The following TRMT44 variants were observed in gnomAD, a reference collection of about 807,000 sequenced individuals.
TRMT44 encodes the protein probable tRNA (uracil-O(2)-)-methyltransferase.
Under a neutral mutation model 77.3 loss-of-function variants are expected in TRMT44, and 78 were observed. The ratio of observed to expected loss-of-function variants is 1.01; its 90% CI spans 0.84 to 1.22. The LOEUF is 1.22. TRMT44 is among the 50% of genes most tolerant of loss of function. The pLI is 0.00. For synonymous variants in TRMT44, 391 were observed against 383.3 expected, an observed-to-expected ratio of 1.02 and a Z score of -0.23; for missense variants, 1,090 against 964.4, an observed-to-expected ratio of 1.13 and a Z score of -1.73.
chr4:8,483,124 G>C (rs1727680303), intron 2 of TRMT44, among the ~76,000 whole-genome samples: 1 of 152,120 alleles, frequency 6.6e-6, no homozygotes, highest in Admixed American at 6.5e-5. Flanking sequence ...AAACTAAATG[G>C]AATAAGAGAA....
At position 8,444,607 on chromosome 4, in the gene TRMT44, A is replaced by C. The variant is rs1024120924; in HGVS notation, c.620-1869A>C. Among the ~76,000 whole-genome samples the C allele has an allele frequency of 4.6e-5, 7 of 152,356 alleles. No individual in the cohort carries two copies. The highest frequency in any genetic ancestry group is 1.7e-4 in the African/African-American group (7 of 41,588). On this transcript the variant is annotated intron_variant, in intron 1 of 10. Coordinates refer to ENST00000389737, the MANE Select transcript of TRMT44 (RefSeq NM_152544.3). The surrounding 1 kb of genome is among the most constrained non-coding windows in gnomAD (Gnocchi z 4.0). Reference sequence around the variant, plus strand: ...GAGATGGGGTTTCACCATGTTGGCCAGACTGGTCTCCTACTCCTGACCTCA... The same window carrying C: ...GAGATGGGGTTTCACCATGTTGGCCCGACTGGTCTCCTACTCCTGACCTCA...
chr4:8,460,254 C>T (rs1409660865), intron 6 of TRMT44, among the ~76,000 whole-genome samples: 1 of 152,162 alleles, frequency 6.6e-6, no homozygotes, highest in African/African-American at 2.4e-5. Flanking sequence ...AGTGGCCTCT[C>T]CCTCTGGGTG....
intron 2 of TRMT44, among the ~76,000 whole-genome samples, chr4:8,482,756 G>C (rs1727663601): frequency 6.6e-6 from 1 of 151,894 alleles, no homozygotes; most frequent in Non-Finnish European, 1.5e-5. Flanking sequence ...TCACTTTTGT[G>C]ATTCTTCAGT....
intron 2 of TRMT44, among the ~76,000 whole-genome samples, chr4:8,491,925 T>C (rs377110719): frequency 1.6e-4 from 24 of 152,244 alleles, no homozygotes; most frequent in African/African-American, 4.6e-4. Context: ...GAGGAGGCAC[T>C]GAGAGCGAGC....
At chr4:8,485,320 G>T (rs1340307114) in intron 2 of TRMT44, among the ~76,000 whole-genome samples, 4 of 152,178 alleles carry the variant, frequency 2.6e-5, no homozygotes, top group Admixed American at 2.0e-4. Context: ...AGAATGTACG[G>T]GTTGGGCACC....
chr4:8,504,932 C>A, the TRMT44 span, among the ~76,000 whole-genome samples: 139 of 152,304 alleles, frequency 9.1e-4, no homozygotes, highest in African/African-American at 3.2e-3. The surrounding 1 kb of genome is among the most constrained non-coding windows in gnomAD (Gnocchi z 5.3). Context: ...CCCCCAGCCT[C>A]CTGGTCTGGG....
At chr4:8,470,634 C>T (rs997476051) in intron 9 of TRMT44, among the ~76,000 whole-genome samples, 1 of 152,148 alleles carries the variant, frequency 6.6e-6, no homozygotes, top group Non-Finnish European at 1.5e-5. Flanking sequence ...TGCTGGCCAC[C>T]CTAGAGCCGG....
chr4:8,499,876 A>AG, the TRMT44 span, among the ~76,000 whole-genome samples: 1 of 145,506 alleles, frequency 6.9e-6, no homozygotes, highest in African/African-American at 2.7e-5. Context: ...TCAGGAGTTT[A>AG]CTATATAACA....
chr4:8,501,245 A>T, the TRMT44 span, among the ~76,000 whole-genome samples: 1 of 152,152 alleles, frequency 6.6e-6, no homozygotes, highest in African/African-American at 2.4e-5. The surrounding 1 kb of genome is among the most constrained non-coding windows in gnomAD (Gnocchi z 4.4). Context: ...TGGAGCTGGC[A>T]GGTGGCCTGA....
rs1231178353 is a variant in TRMT44, at chr4:8,452,219, T to G, written c.1023+191T>G. On this transcript the variant is annotated intron_variant, in intron 4 of 10. Transcript: ENST00000389737. This position sits in a 1 kb window ranked among gnomAD's most constrained non-coding sequence, Gnocchi z 5.7. ...TGATGCGTATACAACAAGTTTGGGT[T>G]GAAACTTGACCTCGGGTTCCAACTT... 6.6e-6 allele frequency among the ~76,000 whole-genome samples: 1 copy of G among 152,200 alleles called. No homozygotes were observed. Among genetic ancestry groups the G allele is most frequent in the Non-Finnish European group, 1.5e-5 (1 of 68,030 alleles).
intron 2 of TRMT44, among the ~76,000 whole-genome samples, chr4:8,490,377 G>A (rs1727959170): frequency 6.6e-6 from 1 of 151,974 alleles, no homozygotes; most frequent in Admixed American, 6.6e-5. Context: ...TGTGTTCGGA[G>A]TTTCTTCCTT....
At chr4:8,447,563 AC>A (rs758285710) in intron 2 of TRMT44, among the ~76,000 whole-genome samples, 16 of 151,988 alleles carry the variant, frequency 1.1e-4, no homozygotes, top group Non-Finnish European at 2.4e-4. Context: ...GATGTGCTCT[AC>A]CTCCTGGCCC....
chr4:8,463,894 C>G (rs541614567), intron 6 of TRMT44, 91 bp from the exon 7 acceptor site: 4 of 1,070,278 alleles, frequency 3.7e-6, no homozygotes, highest in Non-Finnish European at 5.6e-6. Context: ...CTGTGTGACT[C>G]CAGAGCCTGT....
chr4:8,511,671 T>C, the TRMT44 span, among the ~76,000 whole-genome samples: 1 of 152,142 alleles, frequency 6.6e-6, no homozygotes, highest in African/African-American at 2.4e-5. Flanking sequence ...AAAAGCACAT[T>C]TCAAGTGTTA....
chr4:8,441,360 G>C lies in TRMT44; in HGVS notation c.538G>C (p.Asp180His). The C allele has an allele frequency of 1.3e-6, 2 of 1,534,820 alleles. No individual in the cohort carries two copies. The highest frequency in any genetic ancestry group is 1.4e-5 in the African/African-American group (1 of 73,164). The change falls in exon 1 of 11, where the codon GAC (aspartate) becomes CAC (histidine). Residue 180 changes from aspartate (D) to histidine (H), a missense_variant. Asp to His is a moderately conservative substitution (Grantham distance 81). Transcript: ENST00000389737. ...GCAGCCAGAGGCGCAGCGTGAGCTC[G>C]ACGTGGTTCTCAGAACCGTCATCCC... is the stretch of plus-strand genomic sequence containing the variant. Reference protein sequence around the residue: ...GSQPEAQRELDVVLRTVIPKT... With the variant: ...GSQPEAQRELHVVLRTVIPKT...
chr4:8,472,351 C>T lies in TRMT44; in HGVS notation c.2044+1151C>T, dbSNP rs117272126. ...GAGTGGGAGCTGGTCGGGTTACAGC[C>T]GCCATGACCAGGAAAAGGACTGGGC... On this transcript the variant is annotated intron_variant, in intron 10 of 10. Coordinates refer to ENST00000389737, the MANE Select transcript of TRMT44 (RefSeq NM_152544.3). Among the ~76,000 whole-genome samples the T allele has an allele frequency of 5.0e-4, 76 of 152,280 alleles. No homozygotes were observed. In the East Asian group the frequency reaches 9.4e-3, roughly 19 times the overall value.
intron 2 of TRMT44, among the ~76,000 whole-genome samples, chr4:8,448,105 C>T (rs1313834962): frequency 6.6e-6 from 1 of 152,164 alleles, no homozygotes; most frequent in African/African-American, 2.4e-5. Context: ...CTGCTGCCCC[C>T]ACCTTCCCAG....
At chr4:8,470,826 C>T (rs1413529394) in intron 9 of TRMT44, 13 of 341,610 alleles carry the variant, frequency 3.8e-5, no homozygotes, top group South Asian at 1.8e-4. Flanking sequence ...CATCACCTGA[C>T]GCCTGGCCCT....
At chr4:8,447,852 C>T (rs986741575) in intron 2 of TRMT44, among the ~76,000 whole-genome samples, 7 of 152,164 alleles carry the variant, frequency 4.6e-5, no homozygotes, top group African/African-American at 7.2e-5. Context: ...CCTCTGTGCT[C>T]GGCGATGCTG....
Sources: gnomAD v4.1 joint callset for allele counts (sites outside exome capture counted in the v4.1 genomes callset) on GRCh38, gnomAD v4.1.1 for gene constraint, Gnocchi (gnomAD v3.1) non-coding constraint, MANE v1.5 for transcripts, NCBI Gene and HGNC (gene_info 2026-07-23, HGNC 2026-07-21) for gene names.